Variants in P4HTM observed in about 807,000 individuals in gnomAD.
The protein encoded by P4HTM is prolyl 4-hydroxylase, transmembrane, also known as transmembrane prolyl 4-hydroxylase.
P4HTM carries 33 observed loss-of-function variants against 55.3 expected under a neutral mutation model. That is an observed-to-expected ratio of 0.60 (90% CI 0.45 to 0.80). The LOEUF (loss-of-function observed/expected upper bound fraction) is 0.80, where lower values mean the gene tolerates loss of function less well. Among genes scored for constraint, P4HTM ranks in the 30% least tolerant of loss-of-function variants. P4HTM has a pLI of 0.00. For missense variants in P4HTM, 542 were observed against 696.5 expected, an observed-to-expected ratio of 0.78 and a Z score of 2.50; for synonymous variants, 272 against 286.4, an observed-to-expected ratio of 0.95 and a Z score of 0.51.
chr3:48,992,683 T>A (rs1229636437), intron 2 of P4HTM, among the ~76,000 whole-genome samples: 9 of 101,622 alleles, frequency 8.9e-5, no homozygotes, highest in African/African-American at 2.0e-4. Context: ...TTTTTTTTTT[T>A]AGACTAAGTT....
At position 49,006,874 on chromosome 3, in the gene P4HTM, C is replaced by T. The variant is rs758818853; in HGVS notation, c.1476C>T (p.Asp492=). The part of the protein sequence containing the change: ...GTDSQPEWAL[D]RAYRDARVEL ...ACTCACAGCCCGAGTGGGCTCTGGA[C>T]CGGGCCTACCGCGATGCGCGCGTGG... Residue 492 remains aspartate, a synonymous_variant, in exon 9 of 9, where the codon GAC becomes GAT. Coordinates refer to ENST00000383729, the MANE Select transcript of P4HTM (RefSeq NM_177939.3). 16 of 1,612,514 alleles carry T rather than the reference C, an allele frequency of 9.9e-6. No homozygotes were observed. The highest frequency in any genetic ancestry group is 3.3e-5 in the Admixed American group (2 of 59,988).
intron 2 of P4HTM, 99 bp downstream of exon 2, chr3:48,991,013 T>A: frequency 1.1e-6 from 1 of 876,842 alleles, no homozygotes; most frequent in Non-Finnish European, 1.8e-6. Flanking sequence ...TGAAAATGGC[T>A]GCTTCAGAGC....
At position 49,006,866 on chromosome 3, in the gene P4HTM, G is replaced by T; in HGVS notation, c.1468G>T (p.Ala490Ser). 6.2e-7 allele frequency: 1 copy of T among 1,613,006 alleles called. No homozygotes were observed. Among genetic ancestry groups the T allele is most frequent in the East Asian group, 2.2e-5 (1 of 44,872 alleles). Residue 490 changes from alanine (A) to serine (S), a missense_variant, in exon 9 of 9, where the codon GCT becomes TCT. Ala to Ser is a moderately conservative substitution (Grantham distance 99). Transcript: ENST00000383729. ...EGGTDSQPEW[A>S]LDRAYRDARV... ...GGGCACCGACTCACAGCCCGAGTGG[G>T]CTCTGGACCGGGCCTACCGCGATGC...
chr3:49,005,582 C>A (rs2092975519), intron 6 of P4HTM, 195 bp from the exon 7 acceptor site: 3 of 1,400,488 alleles, frequency 2.1e-6, no homozygotes, highest in South Asian at 3.9e-5. Context: ...AAAACCATTG[C>A]AACTCACAGT....
Position 48,990,784 on chromosome 3 carries a change from G to C in P4HTM, c.355-49G>C. 1 of 1,587,488 alleles carries C rather than the reference G, an allele frequency of 6.3e-7. No individual in the cohort carries two copies. Among genetic ancestry groups the C allele is most frequent in the Non-Finnish European group, 8.6e-7 (1 of 1,158,880 alleles). On this transcript the variant is annotated intron_variant, in intron 1 of 8. Transcript: ENST00000383729. The surrounding 1 kb of genome is among the most constrained non-coding windows in gnomAD (Gnocchi z 7.2). Reference sequence around the variant, plus strand: ...GGCCGGGGCGACTTGGCCCTTCTTGGGCAGCGCGGTCTGGCGCCCCAGCTG... The same window carrying C: ...GGCCGGGGCGACTTGGCCCTTCTTGCGCAGCGCGGTCTGGCGCCCCAGCTG...
Position 49,006,732 on chromosome 3 carries a change from T to C in P4HTM, c.1334T>C (p.Leu445Pro). ...GACTACTCGCTGCACGGGGGCTGCC[T>C]GGTCACGCGCGGCACCAAGTGGATT... ...VDDYSLHGGC[L>P]VTRGTKWIAN... The change falls in exon 9 of 9, where the codon CTG becomes CCG. Residue 445 changes from leucine (L) to proline (P), a missense_variant. Leu to Pro is a moderately conservative substitution (Grantham distance 98). Around this residue, in one of 2 missense-constraint regions of P4HTM, gnomAD observed 536 missense variants for 672.1 expected, o/e 0.80. Coordinates refer to ENST00000383729, the MANE Select transcript of P4HTM (RefSeq NM_177939.3). The C allele has an allele frequency of 2.5e-6, 4 of 1,613,722 alleles. No individual in the cohort carries two copies. Among genetic ancestry groups the C allele is most frequent in the Middle Eastern group, 1.6e-4 (1 of 6,062 alleles).
Position 48,999,511 on chromosome 3 carries a change from C to T in P4HTM, c.437-1927C>T, listed in dbSNP as rs769057431. On this transcript the variant is annotated intron_variant, in intron 2 of 8. Coordinates refer to ENST00000383729, the MANE Select transcript of P4HTM (RefSeq NM_177939.3). This position sits in a 1 kb window ranked among gnomAD's most constrained non-coding sequence, Gnocchi z 4.8. Reference sequence around the variant, plus strand: ...CAGCATCACCAGTGTCACCAGCAGCCACAGCCCCTGCTCCATCACTGCCTT... The same window carrying T: ...CAGCATCACCAGTGTCACCAGCAGCTACAGCCCCTGCTCCATCACTGCCTT... The T allele has an allele frequency of 8.9e-5, 15 of 167,766 alleles. No homozygotes were observed. The highest frequency in any genetic ancestry group is 7.3e-5 in the Non-Finnish European group (5 of 68,674). The allele number at this position is 167,766 out of a possible 1,614,324, so 10.4% of individuals were successfully genotyped here.
At chr3:48,992,794 T>C (rs912570078) in intron 2 of P4HTM, among the ~76,000 whole-genome samples, 1 of 149,534 alleles carries the variant, frequency 6.7e-6, no homozygotes, top group African/African-American at 2.5e-5. Flanking sequence ...GCCTCCCAAG[T>C]AGCTGGGATT....
At chr3:48,996,880 G>A (rs1054969739) in intron 2 of P4HTM, among the ~76,000 whole-genome samples, 1 of 152,176 alleles carries the variant, frequency 6.6e-6, no homozygotes, top group African/African-American at 2.4e-5. Context: ...AGGCATGTGG[G>A]CAGTAGTAGC....
chr3:49,003,833 T>G, intron 4 of P4HTM: 5 of 417,708 alleles, frequency 1.2e-5, no homozygotes, highest in Non-Finnish European at 2.2e-5. Context: ...GCCACTCTAA[T>G]AGGGGGTGGG....
In P4HTM at chr3:49,002,774, C is replaced by T. The variant is rs1275730670; in HGVS notation, c.724+178C>T. Reference sequence around the variant, plus strand: ...TTGCTTTTTACCCCTGGGAAGTAGGCAGGCAGCCAGGCCCCCCGTTCCCCT... The same window carrying T: ...TTGCTTTTTACCCCTGGGAAGTAGGTAGGCAGCCAGGCCCCCCGTTCCCCT... On this transcript the variant is annotated intron_variant, in intron 4 of 8. Coordinates refer to ENST00000383729, the MANE Select transcript of P4HTM (RefSeq NM_177939.3). The surrounding 1 kb of genome is among the most constrained non-coding windows in gnomAD (Gnocchi z 4.4). 1 of 691,104 alleles carries T rather than the reference C, an allele frequency of 1.4e-6. No homozygotes were observed. Among genetic ancestry groups the T allele is most frequent in the Non-Finnish European group, 2.6e-6 (1 of 377,556 alleles). 42.8% of individuals were successfully genotyped at this position (691,104 alleles called of 1,614,324 possible). A position where few individuals can be genotyped will look rare whatever the true frequency, so the allele number is the denominator to read the frequency against.
intron 2 of P4HTM, 24 bp from the exon 3 acceptor site, chr3:49,001,414 C>T (rs756764915): frequency 6.2e-7 from 1 of 1,612,678 alleles, no homozygotes; most frequent in Non-Finnish European, 8.5e-7. Flanking sequence ...AGTCCTTGGC[C>T]TCACCCACCT....
intron 8 of P4HTM, 94 bp from the exon 9 acceptor site, chr3:49,006,593 C>T (rs2092983166): frequency 2.0e-6 from 2 of 985,936 alleles, no homozygotes; most frequent in Non-Finnish European, 3.1e-6. Flanking sequence ...ACAAGGAATG[C>T]ATAGCTGGAC....
chr3:49,005,973 C>G (rs1282866928), intron 7 of P4HTM, 91 bp from the exon 8 acceptor site: 2 of 1,551,990 alleles, frequency 1.3e-6, no homozygotes, highest in African/African-American at 1.4e-5. Context: ...ATTCCTTGGG[C>G]ATATCTGGTT....
At chr3:48,993,175 G>A (rs150217665) in intron 2 of P4HTM, among the ~76,000 whole-genome samples, 315 of 152,064 alleles carry the variant, frequency 2.1e-3, no homozygotes, top group Admixed American at 4.1e-3. Flanking sequence ...TGTGGCACAT[G>A]CCTGTAATCC....
chr3:49,006,211 G>A, intron 8 of P4HTM, 24 bp downstream of exon 8: 1 of 1,601,156 alleles, frequency 6.2e-7, no homozygotes, highest in Non-Finnish European at 8.5e-7. Flanking sequence ...GCCAGGCCTG[G>A]GGGGGGTGCC....
At position 49,002,401 on chromosome 3, in the gene P4HTM, C is replaced by T. The variant is rs959987550; in HGVS notation, c.628-99C>T. ...TGCCCTGTGTCCTCATCCATGCCCTCACCTGAACACTTTGCTCCACAACAA... is the reference window on the plus strand; with the variant it reads ...TGCCCTGTGTCCTCATCCATGCCCTTACCTGAACACTTTGCTCCACAACAA... On this transcript the variant is annotated intron_variant, in intron 3 of 8. Transcript: ENST00000383729. The surrounding 1 kb of genome is among the most constrained non-coding windows in gnomAD (Gnocchi z 4.4). 5.2e-5 allele frequency: 45 copies of T among 869,294 alleles called. No homozygotes were observed. The highest frequency in any genetic ancestry group is 4.9e-4 in the South Asian group (33 of 67,930). 53.8% of individuals were successfully genotyped at this position (869,294 alleles called of 1,614,324 possible). A position where few individuals can be genotyped will look rare whatever the true frequency, so the allele number is the denominator to read the frequency against.
chr3:48,992,828 G>A (rs1316373049), intron 2 of P4HTM, among the ~76,000 whole-genome samples: 2 of 151,336 alleles, frequency 1.3e-5, no homozygotes, highest in South Asian at 2.1e-4. Context: ...ACCACATCCG[G>A]CTAATTTTTT....
chr3:49,007,096 T>G lies in P4HTM; in HGVS notation c.*189T>G. 1.5e-6 allele frequency: 1 copy of G among 678,244 alleles called. No individual in the cohort carries two copies. Among genetic ancestry groups the G allele is most frequent in the Non-Finnish European group, 2.4e-6 (1 of 409,418 alleles). 42.0% of individuals were successfully genotyped at this position (678,244 alleles called of 1,614,324 possible). A position where few individuals can be genotyped will look rare whatever the true frequency, so the allele number is the denominator to read the frequency against. On this transcript the variant is annotated 3_prime_UTR_variant, in exon 9 of 9. Transcript: ENST00000383729. The surrounding 1 kb of genome is among the most constrained non-coding windows in gnomAD (Gnocchi z 5.1). ...TACTGACTCCATCTGCCCCGTCAAA[T>G]AAAAAACCACAAGGTTCGAGCCGCC... is the stretch of plus-strand genomic sequence containing the variant.
Sources: gnomAD v4.1 joint callset for allele counts (sites outside exome capture counted in the v4.1 genomes callset) on GRCh38, gnomAD v4.1.1 for gene constraint, gnomAD v4.1.1 regional missense constraint, Gnocchi (gnomAD v3.1) non-coding constraint, MANE v1.5 for transcripts, NCBI Gene and HGNC (gene_info 2026-07-23, HGNC 2026-07-21) for gene names.